LAMB1: variants seen among roughly 807,000 people sequenced by gnomAD.
LAMB1 encodes laminin subunit beta 1, also known as laminin subunit beta-1.
Under a neutral mutation model 222.3 loss-of-function variants are expected in LAMB1, and 121 were observed. The observed-to-expected ratio is 0.54, with a 90% CI of 0.47 to 0.63. The LOEUF is 0.63. Among genes scored for constraint, LAMB1 ranks in the 30% least tolerant of loss-of-function variants. LAMB1 has a pLI of 0.00. For missense variants in LAMB1, 2,172 were observed against 2,240.8 expected (o/e 0.97, Z 0.62); for synonymous variants, 794 against 807.2 (o/e 0.98, Z 0.28).
chr7:107,939,142 C>G (rs1242781153), intron 25 of LAMB1, among the ~76,000 whole-genome samples: 1 of 152,162 alleles, frequency 6.6e-6, no homozygotes, highest in Non-Finnish European at 1.5e-5. Flanking sequence ...AGCACAGATG[C>G]CTCATACCCT....
At position 107,975,915 on chromosome 7, in the gene LAMB1, A is replaced by C. The variant is rs1244598981; in HGVS notation, c.1001-38T>G. ...AGCAACGTCAAGAAAAGCTTTTTAA[A>C]TCTATGGACCAATGGAGGATGGGGG... On this transcript the variant is annotated intron_variant, in intron 9 of 33. Coordinates refer to ENST00000222399, the MANE Select transcript of LAMB1 (RefSeq NM_002291.3). 3.2e-6 allele frequency: 5 copies of C among 1,583,096 alleles called. No homozygotes were observed. The Admixed American group carries it at 8.5e-5, about 27-fold the overall frequency.
chr7:107,978,849 G>T (rs898409441), intron 8 of LAMB1, among the ~76,000 whole-genome samples: 1 of 152,154 alleles, frequency 6.6e-6, no homozygotes, highest in African/African-American at 2.4e-5. Flanking sequence ...GCACACTTAC[G>T]ACCCTTGAGG....
rs2150427146 is a variant in LAMB1, at chr7:107,959,457, A to G, written c.2482T>C (p.Ser828Pro). ...CKPCECHLQG[S>P]VNAFCNPVTG... ...ACGGGATTGCAGAAGGCATTGACAG[A>G]TCCTTGCAGATGGCACTCACAAGCT... is the stretch of plus-strand genomic sequence containing the variant. The change falls in exon 20 of 34, where the codon TCT becomes CCT. Residue 828 changes from serine to proline, a missense_variant. Physicochemically the swap from Ser to Pro is moderately conservative, Grantham distance 74 (BLOSUM62 -1). Transcript: ENST00000222399. 6.2e-7 allele frequency: 1 copy of G among 1,614,212 alleles called. No individual in the cohort carries two copies. The highest frequency in any genetic ancestry group is 8.5e-7 in the Non-Finnish European group (1 of 1,180,050).
intron 7 of LAMB1, among the ~76,000 whole-genome samples, chr7:107,981,599 G>A (rs2033975449): frequency 6.6e-6 from 1 of 152,186 alleles, no homozygotes; most frequent in African/African-American, 2.4e-5. Context: ...TTAGGAAGAA[G>A]TGTGAAAGTG....
chr7:108,002,004 C>G, intron 2 of LAMB1: 1 of 1,443,392 alleles, frequency 6.9e-7, no homozygotes, highest in Non-Finnish European at 9.1e-7. Flanking sequence ...CCCACCGACG[C>G]TCGCGCCCAC....
intron 13 of LAMB1, among the ~76,000 whole-genome samples, chr7:107,967,424 C>T (rs1395993174): frequency 6.6e-6 from 1 of 152,132 alleles, no homozygotes; most frequent in African/African-American, 2.4e-5. Flanking sequence ...ACGGGCCAAC[C>T]GATCTTCCTA....
chr7:107,937,822 T>C (rs140997443), intron 25 of LAMB1, among the ~76,000 whole-genome samples: 3 of 152,326 alleles, frequency 2.0e-5, no homozygotes, highest in East Asian at 1.9e-4. Flanking sequence ...GGGGCCTCCT[T>C]CTACCAACAG....
Position 107,924,017 on chromosome 7 carries a change from T to G in LAMB1, c.5295A>C (p.Glu1765Asp). Reference sequence around the variant, plus strand: ...CCTTTAGGAGTGAACGGACTTCTCCTTCCAGTCTTGCTAATTCTTGAGCTT... The same window carrying G: ...CCTTTAGGAGTGAACGGACTTCTCCGTCCAGTCTTGCTAATTCTTGAGCTT... The part of the protein sequence containing the change: ...EDKAQELARL[E>D]GEVRSLLKDI... The change falls in exon 34 of 34, where the codon GAA becomes GAC. Residue 1765 changes from glutamate (E) to aspartate (D), a missense_variant. Glu to Asp is a conservative substitution (Grantham distance 45). Coordinates refer to ENST00000222399, the MANE Select transcript of LAMB1 (RefSeq NM_002291.3). The G allele has an allele frequency of 1.3e-6, 2 of 1,597,926 alleles. No homozygotes were observed. The highest frequency in any genetic ancestry group is 1.7e-6 in the Non-Finnish European group (2 of 1,176,268).
chr7:107,950,923 GGTGTGTGTGTGTGTGTGTGTGTGT>G (rs57060477), intron 24 of LAMB1, among the ~76,000 whole-genome samples: 1 of 147,856 alleles, frequency 6.8e-6, no homozygotes, highest in Middle Eastern at 3.4e-3. Context: ...GTGTATTTGT[GGTGTGTGTGTGTGTGTGTGTGTGT>G]GTGTGTGTGT....
rs771341181 is a variant in LAMB1 at position 107,952,104 on chromosome 7, G to A, written c.3199C>T (p.Arg1067Cys). Residue 1067 changes from arginine to cysteine, a missense_variant, in exon 23 of 34, where the codon CGC becomes TGC. Transcript: ENST00000222399. Reference sequence around the variant, plus strand: ...AGCTGCCAGGTATTGGGCGCACAGCGGTCACAGTTCTGCCCGATCACATTA... The same window carrying A: ...AGCTGCCAGGTATTGGGCGCACAGCAGTCACAGTTCTGCCCGATCACATTA... The part of the protein sequence containing the change: ...LPNVIGQNCD[R>C]CAPNTWQLAS... The A allele has an allele frequency of 7.6e-5, 122 of 1,613,932 alleles. No homozygotes were observed. The highest frequency in any genetic ancestry group is 4.3e-4 in the South Asian group (39 of 91,034).
At chr7:107,965,645 T>C (rs2033619216) in intron 13 of LAMB1, among the ~76,000 whole-genome samples, 1 of 152,186 alleles carries the variant, frequency 6.6e-6, no homozygotes, top group Non-Finnish European at 1.5e-5. Context: ...ATTACATGTA[T>C]CCATTTTTAC....
At chr7:108,001,434 C>T in intron 3 of LAMB1, 124 bp downstream of exon 3, 1 of 1,093,588 alleles carries the variant, frequency 9.1e-7, no homozygotes, top group Non-Finnish European at 1.3e-6. Context: ...AATCCCGGGA[C>T]TCCCCGGCTG....
In LAMB1 at chr7:107,964,634, T is replaced by A; in HGVS notation, c.1616A>T (p.Gln539Leu). The A allele has an allele frequency of 6.2e-7, 1 of 1,614,150 alleles. No individual in the cohort carries two copies. The highest frequency in any genetic ancestry group is 8.5e-7 in the Non-Finnish European group (1 of 1,180,024). Reference protein sequence around the residue: ...CSCRPHMIGRQCNEVEPGYYF... With the variant: ...CSCRPHMIGRLCNEVEPGYYF... Reference sequence around the variant, plus strand: ...GTAACCAGGTTCCACTTCGTTGCACTGACGTCCAATCATGTGAGGCCGGCA... The same window carrying A: ...GTAACCAGGTTCCACTTCGTTGCACAGACGTCCAATCATGTGAGGCCGGCA... Residue 539 changes from glutamine (Q) to leucine (L), a missense_variant, in exon 14 of 34, where the codon CAG becomes CTG. Transcript: ENST00000222399.
At position 107,960,532 on chromosome 7, in the gene LAMB1, T is replaced by C; in HGVS notation, c.2227A>G (p.Ser743Gly). Residue 743 changes from serine (S) to glycine (G), a missense_variant, in exon 18 of 34, where the codon AGC becomes GGC. Transcript: ENST00000222399. ...ATCGGTGTTTTCACAACGCTTCTGC[T>C]GTTCTCTAGACATCGGTATCTCTGA... ...TFQRYRCLEN[S>G]RSVVKTPMTD... 1 of 1,614,246 alleles carries C rather than the reference T, an allele frequency of 6.2e-7. No individual in the cohort carries two copies. The highest frequency in any genetic ancestry group is 1.3e-5 in the African/African-American group (1 of 75,076).
At chr7:107,929,787 T>TACGACGACCACC in intron 29 of LAMB1, 168 bp from the exon 30 acceptor site, 1 of 551,312 alleles carries the variant, frequency 1.8e-6, no homozygotes, top group Non-Finnish European at 3.2e-6. Flanking sequence ...TGAGGGGAGA[T>TACGACGACCACC]GAGACCTACA....
At chr7:107,938,163 C>A (rs994710858) in intron 25 of LAMB1, among the ~76,000 whole-genome samples, 3 of 152,056 alleles carry the variant, frequency 2.0e-5, no homozygotes, top group African/African-American at 4.8e-5. Flanking sequence ...GTATAAAAAA[C>A]CAGGAAAATG....
chr7:107,948,838 T>C (rs2033182521), intron 24 of LAMB1, among the ~76,000 whole-genome samples: 1 of 152,122 alleles, frequency 6.6e-6, no homozygotes, highest in Non-Finnish European at 1.5e-5. Context: ...GCCAGCATAA[T>C]AGGCAAACCA....
chr7:107,976,857 CTCCT>C (rs200619058), intron 9 of LAMB1, among the ~76,000 whole-genome samples: 3,781 of 39,420 alleles, frequency 0.096, 664 homozygotes, highest in Middle Eastern at 0.16. Flanking sequence ...TTCCTTTCCT[CTCCT>C]TCCTTCCTTC....
At chr7:107,970,506 G>T (rs10627675) in intron 13 of LAMB1, among the ~76,000 whole-genome samples, 44 of 25,512 alleles carry the variant, frequency 1.7e-3, no homozygotes, top group African/African-American at 7.4e-3. Context: ...AAAAAAAAAA[G>T]GGGGGGGTGG....
Sources: allele counts gnomAD v4.1 joint callset (sites outside exome capture counted in the v4.1 genomes callset), GRCh38; gene constraint gnomAD v4.1.1; transcripts MANE v1.5; gene names NCBI Gene and HGNC (gene_info 2026-07-23, HGNC 2026-07-21).